UNC5C: variants seen among roughly 807,000 people sequenced by gnomAD.
UNC5C encodes the protein unc-5 netrin receptor C.
A neutral mutation model predicts 99.8 loss-of-function variants in UNC5C; 47 were observed. That is an observed-to-expected ratio of 0.47 (90% CI 0.37 to 0.60). The LOEUF (loss-of-function observed/expected upper bound fraction) is 0.60. Among genes scored for constraint, UNC5C ranks in the 20% least tolerant of loss-of-function variants. The pLI, the probability that UNC5C is intolerant of heterozygous loss-of-function variation, is 0.00. For missense variants in UNC5C, 1,062 were observed against 1,165.9 expected (o/e 0.91, Z 1.30); for synonymous variants, 487 against 452.2 (o/e 1.08, Z -0.98).
chr4:95,339,675 C>T (rs907673867), intron 1 of UNC5C, among the ~76,000 whole-genome samples: 1 of 152,050 alleles, frequency 6.6e-6, no homozygotes, highest in Non-Finnish European at 1.5e-5. Context: ...TTATTTCTGG[C>T]AACATGCCAC....
intron 1 of UNC5C, among the ~76,000 whole-genome samples, chr4:95,361,215 C>T (rs1490118105): frequency 6.6e-6 from 1 of 152,160 alleles, no homozygotes; most frequent in African/African-American, 2.4e-5. Context: ...GATTTGGTTA[C>T]ACATTTCCTC....
At chr4:95,374,750 C>G (rs1744843247) in intron 1 of UNC5C, among the ~76,000 whole-genome samples, 1 of 152,022 alleles carries the variant, frequency 6.6e-6, no homozygotes, top group African/African-American at 2.4e-5. Context: ...CTAACCCAGT[C>G]TAAGTGAGGC....
intron 1 of UNC5C, among the ~76,000 whole-genome samples, chr4:95,428,379 C>A (rs1367420040): frequency 6.6e-6 from 1 of 152,158 alleles, no homozygotes; most frequent in Non-Finnish European, 1.5e-5. Context: ...AATTAATCTG[C>A]AAGCCTTTCA....
intron 1 of UNC5C, among the ~76,000 whole-genome samples, chr4:95,453,121 T>C (rs13119662): frequency 0.19 from 29,452 of 152,128 alleles, 3,317 homozygotes; most frequent in Non-Finnish European, 0.25. Context: ...GTTATCTCAC[T>C]CTAACACTGG....
chr4:95,469,983 G>A (rs1028573137), intron 1 of UNC5C, among the ~76,000 whole-genome samples: 1 of 152,100 alleles, frequency 6.6e-6, no homozygotes, highest in Admixed American at 6.6e-5. Flanking sequence ...GTACTAAGGT[G>A]AATTTTATGC....
intron 7 of UNC5C, among the ~76,000 whole-genome samples, chr4:95,229,534 G>A (rs552072498): frequency 3.3e-5 from 5 of 152,226 alleles, no homozygotes; most frequent in Middle Eastern, 3.4e-3. Flanking sequence ...TCATTGATGG[G>A]CATTTGGGTT....
intron 3 of UNC5C, among the ~76,000 whole-genome samples, chr4:95,299,410 G>C (rs1181708901): frequency 1.3e-5 from 2 of 152,132 alleles, no homozygotes; most frequent in African/African-American, 4.8e-5. Context: ...CCAATCCGTG[G>C]TGTTTTATTA....
chr4:95,402,155 T>C (rs1460677460), intron 1 of UNC5C, among the ~76,000 whole-genome samples: 1 of 152,276 alleles, frequency 6.6e-6, no homozygotes, highest in South Asian at 2.1e-4. Context: ...AATCCACTTC[T>C]ACCTACTTGT....
At chr4:95,363,383 A>C (rs1413018731) in intron 1 of UNC5C, among the ~76,000 whole-genome samples, 1 of 152,190 alleles carries the variant, frequency 6.6e-6, no homozygotes, top group African/African-American at 2.4e-5. Context: ...GATTCATTGA[A>C]CATCAGATTA....
At chr4:95,287,687 T>A (rs1741284827) in intron 3 of UNC5C, among the ~76,000 whole-genome samples, 1 of 152,200 alleles carries the variant, frequency 6.6e-6, no homozygotes, top group Non-Finnish European at 1.5e-5. Flanking sequence ...GAGCAGGGAT[T>A]AACAGGCAAG....
chr4:95,287,496 A>G (rs1741277917), intron 3 of UNC5C, among the ~76,000 whole-genome samples: 1 of 152,252 alleles, frequency 6.6e-6, no homozygotes, highest in Non-Finnish European at 1.5e-5. Flanking sequence ...AGCAGGAAAC[A>G]GTTAAGAGTG....
chr4:95,432,783 C>T (rs555663019), intron 1 of UNC5C, among the ~76,000 whole-genome samples: 1 of 152,194 alleles, frequency 6.6e-6, no homozygotes, highest in East Asian at 1.9e-4. Flanking sequence ...ATGGGGAGAT[C>T]AAGCACAAGG....
chr4:95,383,675 T>C (rs928262030), intron 1 of UNC5C, among the ~76,000 whole-genome samples: 1 of 152,194 alleles, frequency 6.6e-6, no homozygotes, highest in African/African-American at 2.4e-5. Flanking sequence ...TTATTCAATA[T>C]GAGAGAGTTG....
intron 1 of UNC5C, among the ~76,000 whole-genome samples, chr4:95,395,802 A>C (rs1190763060): frequency 6.6e-6 from 1 of 152,190 alleles, no homozygotes; most frequent in Non-Finnish European, 1.5e-5. Context: ...TTTCATTCAA[A>C]GAACATTAAG....
chr4:95,474,202 C>T (rs920707620), intron 1 of UNC5C, among the ~76,000 whole-genome samples: 2 of 152,072 alleles, frequency 1.3e-5, no homozygotes, highest in Admixed American at 1.3e-4. Context: ...CTGTGACTGT[C>T]CCACTGCCAC....
At chr4:95,488,974 C>T (rs1721404173) in intron 1 of UNC5C, among the ~76,000 whole-genome samples, 1 of 151,200 alleles carries the variant, frequency 6.6e-6, no homozygotes, top group South Asian at 2.1e-4. Flanking sequence ...TTATTCTCTG[C>T]TATGTTAAAT....
chr4:95,460,499 C>A (rs1480678856), intron 1 of UNC5C, among the ~76,000 whole-genome samples: 2 of 152,230 alleles, frequency 1.3e-5, no homozygotes, highest in East Asian at 3.9e-4. Flanking sequence ...TTCCCCCATA[C>A]TGTTCTCATG....
At chr4:95,486,263 T>C (rs1046302420) in intron 1 of UNC5C, among the ~76,000 whole-genome samples, 1 of 151,814 alleles carries the variant, frequency 6.6e-6, no homozygotes, top group Non-Finnish European at 1.5e-5. Context: ...ACTGAGAATA[T>C]TGAAGTCATA....
intron 12 of UNC5C, among the ~76,000 whole-genome samples, chr4:95,190,796 TG>T (rs1737053884): frequency 6.6e-6 from 1 of 152,122 alleles, no homozygotes; most frequent in African/African-American, 2.4e-5. Flanking sequence ...AGCAATCCTG[TG>T]GGAGGGCCTC....
Sources: gnomAD v4.1 joint callset for allele counts (sites outside exome capture counted in the v4.1 genomes callset) on GRCh38, gnomAD v4.1.1 for gene constraint, MANE v1.5 for transcripts, NCBI Gene and HGNC (gene_info 2026-07-23, HGNC 2026-07-21) for gene names.